Variants in FRAS1 observed in about 807,000 individuals in gnomAD.
FRAS1 encodes extracellular matrix organizing protein FRAS1.
Under a neutral mutation model 435.2 loss-of-function variants are expected in FRAS1, and 290 were observed. That is an observed-to-expected ratio of 0.67 (90% CI 0.61 to 0.73). FRAS1 has a LOEUF of 0.73. FRAS1 is among the 30% of genes least tolerant of loss of function. The pLI, the probability that FRAS1 is intolerant of heterozygous loss-of-function variation, is 0.00. For synonymous variants in FRAS1, 1,800 were observed against 1,851.0 expected (o/e 0.97, Z 0.71); for missense variants, 4,860 against 5,001.5 (o/e 0.97, Z 0.85).
chr4:78,524,667 A>C (rs926127318), intron 69 of FRAS1, among the ~76,000 whole-genome samples: 5 of 152,182 alleles, frequency 3.3e-5, no homozygotes, highest in Non-Finnish European at 7.4e-5. Flanking sequence ...TTGTTCAACA[A>C]GTATTTATGG....
At chr4:78,285,589 C>A (rs1030584401) in intron 13 of FRAS1, among the ~76,000 whole-genome samples, 3 of 151,754 alleles carry the variant, frequency 2.0e-5, no homozygotes, top group Non-Finnish European at 4.4e-5. Context: ...TCTGCCACCA[C>A]ACCAGCTAAT....
chr4:78,086,223 G>C (rs370574264), intron 2 of FRAS1, among the ~76,000 whole-genome samples: 35 of 152,038 alleles, frequency 2.3e-4, no homozygotes, highest in African/African-American at 6.8e-4. Context: ...TTCTTTGAAA[G>C]CAATGAGAAC....
chr4:78,079,437 A>C (rs1287533384), intron 2 of FRAS1, among the ~76,000 whole-genome samples: 5 of 152,146 alleles, frequency 3.3e-5, no homozygotes, highest in Admixed American at 1.3e-4. Context: ...AAGTAAGATA[A>C]AGTCTATGAA....
At chr4:78,209,264 A>G (rs1248333899) in intron 2 of FRAS1, among the ~76,000 whole-genome samples, 1 of 152,212 alleles carries the variant, frequency 6.6e-6, no homozygotes, top group Non-Finnish European at 1.5e-5. Context: ...ATGTACGTCC[A>G]TGCTCCAAAA....
At chr4:78,420,909 TA>T (rs1733760639) in intron 33 of FRAS1, among the ~76,000 whole-genome samples, 1 of 75,062 alleles carries the variant, frequency 1.3e-5, no homozygotes, top group African/African-American at 4.8e-5. Flanking sequence ...TATATATATA[TA>T]TATATATATA....
chr4:78,538,387 A>G (rs1181103973), intron 72 of FRAS1, among the ~76,000 whole-genome samples: 1 of 152,216 alleles, frequency 6.6e-6, no homozygotes, highest in Non-Finnish European at 1.5e-5. Flanking sequence ...TTGGGCTAGA[A>G]TATCCCACTT....
intron 40 of FRAS1, among the ~76,000 whole-genome samples, chr4:78,439,896 A>G (rs1345055029): frequency 2.0e-5 from 3 of 152,034 alleles, no homozygotes; most frequent in African/African-American, 7.2e-5. Context: ...AGTTCATGGT[A>G]GGGATTCCAC....
At chr4:78,237,283 G>A (rs780015181) in intron 2 of FRAS1, among the ~76,000 whole-genome samples, 5 of 152,120 alleles carry the variant, frequency 3.3e-5, no homozygotes, top group East Asian at 1.9e-4. Flanking sequence ...GCTCTCTGCC[G>A]CATCCCCTTG....
At chr4:78,175,684 G>A (rs2110043180) in intron 2 of FRAS1, among the ~76,000 whole-genome samples, 1 of 152,172 alleles carries the variant, frequency 6.6e-6, no homozygotes, top group East Asian at 1.9e-4. Context: ...CCAGCTCTGT[G>A]GAGAGGGTCA....
At chr4:78,213,257 A>G (rs1723594710) in intron 2 of FRAS1, among the ~76,000 whole-genome samples, 1 of 152,256 alleles carries the variant, frequency 6.6e-6, no homozygotes, top group South Asian at 2.1e-4. Context: ...TCAAGGTTGC[A>G]TGATCAATAA....
At position 78,540,781 on chromosome 4, in the gene FRAS1, T is replaced by A. The variant is rs774872416; in HGVS notation, c.11696T>A (p.Leu3899Gln). ...EMQELAVAASLSQTGASIGSA... is the reference protein window; with the variant it reads ...EMQELAVAASQSQTGASIGSA... ...CAAGAGTTGGCGGTAGCTGCGTCCC[T>A]GTCACAGACTGGGGCGTCCATTGGC... The change falls in exon 74 of 74, where the codon CTG (leucine) becomes CAG (glutamine). Residue 3899 changes from leucine to glutamine, a missense_variant. Physicochemically the swap from Leu to Gln is moderately radical, Grantham distance 113. Coordinates refer to ENST00000512123, the MANE Select transcript of FRAS1 (RefSeq NM_025074.7). 2.5e-6 allele frequency: 4 copies of A among 1,613,908 alleles called. No homozygotes were observed. The Admixed American group carries it at 6.7e-5, about 27-fold the overall frequency.
chr4:78,184,332 A>T (rs1303338156), intron 2 of FRAS1, among the ~76,000 whole-genome samples: 8 of 152,230 alleles, frequency 5.3e-5, no homozygotes, highest in Admixed American at 5.2e-4. Context: ...GTCATGGATG[A>T]TATGTAAATG....
At chr4:78,334,474 A>G (rs1241943144) in intron 19 of FRAS1, among the ~76,000 whole-genome samples, 5 of 146,634 alleles carry the variant, frequency 3.4e-5, no homozygotes, top group Non-Finnish European at 7.4e-5. Flanking sequence ...AGGTTCAAGC[A>G]ATTCTTCTGC....
intron 5 of FRAS1, among the ~76,000 whole-genome samples, chr4:78,254,414 A>T (rs1015176264): frequency 6.6e-6 from 1 of 152,196 alleles, no homozygotes; most frequent in Non-Finnish European, 1.5e-5. Flanking sequence ...CCAGGGATGA[A>T]AAAATATGCC....
At chr4:78,469,253 G>A (rs758183754) in intron 50 of FRAS1, among the ~76,000 whole-genome samples, 4 of 152,168 alleles carry the variant, frequency 2.6e-5, no homozygotes, top group Non-Finnish European at 2.9e-5. Context: ...AAAAGCCAAC[G>A]TCTCATTGCC....
At chr4:78,282,783 T>A (rs1030130103) in intron 11 of FRAS1, 37 bp from the exon 12 acceptor site, 8 of 1,609,350 alleles carry the variant, frequency 5.0e-6, no homozygotes, top group African/African-American at 1.3e-5. Flanking sequence ...AATTACTGCA[T>A]CCTGATGACA....
intron 28 of FRAS1, among the ~76,000 whole-genome samples, chr4:78,386,323 A>T (rs1450478690): frequency 6.6e-6 from 1 of 152,066 alleles, no homozygotes; most frequent in Non-Finnish European, 1.5e-5. Context: ...CGTCTTTTCC[A>T]TTTGTGAATT....
chr4:78,226,942 T>G (rs1030349291), intron 2 of FRAS1, among the ~76,000 whole-genome samples: 3 of 152,244 alleles, frequency 2.0e-5, no homozygotes, highest in East Asian at 1.9e-4. Flanking sequence ...TCTTTAGGTA[T>G]AGCCAGTCTG....
At chr4:78,484,584 T>G (rs1720112751) in intron 58 of FRAS1, among the ~76,000 whole-genome samples, 1 of 152,190 alleles carries the variant, frequency 6.6e-6, no homozygotes, top group South Asian at 2.1e-4. Flanking sequence ...TACAGAAGTT[T>G]TATAGCCTTA....
Sources: gnomAD v4.1 joint callset for allele counts (sites outside exome capture counted in the v4.1 genomes callset) on GRCh38, gnomAD v4.1.1 for gene constraint, MANE v1.5 for transcripts, NCBI Gene and HGNC (gene_info 2026-07-23, HGNC 2026-07-21) for gene names.